CYB561A3: variants seen among roughly 807,000 people sequenced by gnomAD.
The protein encoded by CYB561A3 is lysosomal membrane ascorbate-dependent ferrireductase CYB561A3.
CYB561A3 carries 16 observed loss-of-function variants against 25.3 expected under a neutral mutation model. That is an observed-to-expected ratio of 0.63 (90% CI 0.43 to 0.96). The LOEUF is 0.96. Among genes scored for constraint, CYB561A3 ranks in the 40% least tolerant of loss-of-function variants. CYB561A3 has a pLI of 0.00. For missense variants in CYB561A3, 219 were observed against 307.5 expected (o/e 0.71, Z 2.15); for synonymous variants, 131 against 129.9 (o/e 1.01, Z -0.06).
At chr11:61,356,411 A>ACCCCCCCC in intron 3 of CYB561A3, 119 bp downstream of exon 3, 2 of 548,008 alleles carry the variant, frequency 3.6e-6, no homozygotes, top group Non-Finnish European at 5.8e-6. Context: ...AGACAGCCCA[A>ACCCCCCCC]CCCACCCTAC....
At chr11:61,351,231 G>A (rs1431183860) in intron 5 of CYB561A3, 84 bp from the exon 6 acceptor site, 17 of 1,444,158 alleles carry the variant, frequency 1.2e-5, no homozygotes, top group Non-Finnish European at 1.6e-5. Context: ...CACTAACAGA[G>A]GGTGAGAAAA....
intron 3 of CYB561A3, chr11:61,354,299 G>T (rs1447155524): frequency 2.4e-6 from 1 of 410,662 alleles, no homozygotes; most frequent in Non-Finnish European, 4.6e-6. Flanking sequence ...TGAGGTTACA[G>T]TGAGCTATGA....
At chr11:61,353,268 A>G in intron 4 of CYB561A3, 129 bp from the exon 5 acceptor site, 1 of 1,193,886 alleles carries the variant, frequency 8.4e-7, no homozygotes, top group Non-Finnish European at 1.1e-6. Context: ...CCCACCTGGC[A>G]TTGCCCACTA....
rs1857288444 is a variant in CYB561A3, at chr11:61,349,344, C to T, written c.*1055G>A. On this transcript the variant is annotated 3_prime_UTR_variant, in exon 7 of 7. Coordinates refer to ENST00000294072, the MANE Select transcript of CYB561A3 (RefSeq NM_153611.6). ...GGCAGTGGCTCCCAGGGCTGCTGCA[C>T]ACTGGACACCACAACTTTGGCATCA... is the stretch of plus-strand genomic sequence containing the variant. 1.8e-6 allele frequency: 1 copy of T among 559,570 alleles called. No homozygotes were observed. Among genetic ancestry groups the T allele is most frequent in the Non-Finnish European group, 3.2e-6 (1 of 308,350 alleles). The allele number at this position is 559,570 out of a possible 1,614,324, so 34.7% of individuals were successfully genotyped here.
At position 61,355,160 on chromosome 11, in the gene CYB561A3, G is replaced by A. The variant is rs1590607608; in HGVS notation, c.185-1168C>T. On this transcript the variant is annotated intron_variant, in intron 3 of 6. Coordinates refer to ENST00000294072, the MANE Select transcript of CYB561A3 (RefSeq NM_153611.6). ...TGGGATTACAGGCGTGAGCCACCAC[G>A]CCTGGCCTGGCCTCTCCTGTCTAAC... Among the ~76,000 whole-genome samples, 5 of 151,810 alleles carry A rather than the reference G, an allele frequency of 3.3e-5. No homozygotes were observed. The South Asian group carries it at 8.4e-4, about 25-fold the overall frequency.
chr11:61,353,079 G>C lies in CYB561A3; in HGVS notation c.454C>G (p.Leu152Val). 1 of 1,614,122 alleles carries C rather than the reference G, an allele frequency of 6.2e-7. No homozygotes were observed. The highest frequency in any genetic ancestry group is 1.1e-5 in the South Asian group (1 of 91,088). Residue 152 changes from leucine (L) to valine (V), a missense_variant, in exon 5 of 7, where the codon CTA (leucine) becomes GTA (valine). Coordinates refer to ENST00000294072, the MANE Select transcript of CYB561A3 (RefSeq NM_153611.6). ...PWASMWLRSLLKPIHVFFGAA... is the reference protein window; with the variant it reads ...PWASMWLRSLVKPIHVFFGAA... ...CCAAAAAAGACGTGGATAGGTTTTA[G>C]GAGGCTGCGCAGCCACATGGACGCC...
In CYB561A3 at chr11:61,349,502, G is replaced by C. The variant is rs1444170324; in HGVS notation, c.*897C>G. 1.7e-5 allele frequency: 12 copies of C among 701,650 alleles called. No homozygotes were observed. In the East Asian group the frequency reaches 3.2e-4, roughly 19 times the overall value. The allele number at this position is 701,650 out of a possible 1,614,324, so 43.5% of individuals were successfully genotyped here. A position where few individuals can be genotyped will look rare whatever the true frequency, so the allele number is the denominator to read the frequency against. On this transcript the variant is annotated 3_prime_UTR_variant, in exon 7 of 7. Coordinates refer to ENST00000294072, the MANE Select transcript of CYB561A3 (RefSeq NM_153611.6). ...GTAGAGGAAGTCCACAGCCACCTCT[G>C]TTACTCATCGCTACTGGGACATCTG...
At chr11:61,354,052 G>A (rs1857543391) in intron 3 of CYB561A3, 60 bp from the exon 4 acceptor site, 1 of 1,576,430 alleles carries the variant, frequency 6.3e-7, no homozygotes, top group Non-Finnish European at 8.7e-7. Context: ...CAGACATCAG[G>A]GAATAACCCT....
intron 5 of CYB561A3, 65 bp downstream of exon 5, chr11:61,352,920 G>A: frequency 6.2e-7 from 1 of 1,613,062 alleles, no homozygotes; most frequent in Non-Finnish European, 8.5e-7. Flanking sequence ...TGATCACAGG[G>A]TGTATCTTTT....
chr11:61,350,633 G>T, intron 6 of CYB561A3: 1 of 629,308 alleles, frequency 1.6e-6, no homozygotes, highest in Non-Finnish European at 2.7e-6. Context: ...TGGTCACCAG[G>T]CACCCATCCC....
Position 61,361,715 on chromosome 11 carries a change from C to T in CYB561A3, c.-112+18G>A, listed in dbSNP as rs1857894471. On this transcript the variant is annotated intron_variant, in intron 1 of 6. Transcript: ENST00000294072. ...CGAACCCAGGTCCCTGAACTCCCAG[C>T]CCCGGGATCCTTCTCACCCCTAACC... 1 of 152,344 alleles carries T rather than the reference C, an allele frequency of 6.6e-6. No individual in the cohort carries two copies. The highest frequency in any genetic ancestry group is 1.5e-5 in the Non-Finnish European group (1 of 68,126). 9.4% of individuals were successfully genotyped at this position (152,344 alleles called of 1,614,324 possible).
Position 61,353,157 on chromosome 11 carries a change from G to A in CYB561A3, c.394-18C>T. 6.3e-7 allele frequency: 1 copy of A among 1,586,240 alleles called. No homozygotes were observed. Among genetic ancestry groups the A allele is most frequent in the Non-Finnish European group, 8.6e-7 (1 of 1,167,894 alleles). ...AGGAACCACTGTGGACAAAAGGGAG[G>A]ACACACCCGACTGTGCTATGTGTGA... On this transcript the variant is annotated intron_variant, in intron 4 of 6. Coordinates refer to ENST00000294072, the MANE Select transcript of CYB561A3 (RefSeq NM_153611.6).
Position 61,350,293 on chromosome 11 carries a change from AG to A in CYB561A3, c.*105del, listed in dbSNP as rs1857335329. The A allele has an allele frequency of 2.1e-6, 3 of 1,438,420 alleles. No individual in the cohort carries two copies. Among genetic ancestry groups the A allele is most frequent in the Non-Finnish European group, 1.9e-6 (2 of 1,056,630 alleles). 89.1% of individuals were successfully genotyped at this position (1,438,420 alleles called of 1,614,324 possible). A position where few individuals can be genotyped will look rare whatever the true frequency, so the allele number is the denominator to read the frequency against. ...CAAGAAGTCTGGGCCCAGCATTGGAAGAAAGTCGCCTGCTGAAACCAGCCGG... is the reference window on the plus strand; with the variant it reads ...CAAGAAGTCTGGGCCCAGCATTGGAAAAAGTCGCCTGCTGAAACCAGCCGG... On this transcript the variant is annotated 3_prime_UTR_variant, in exon 7 of 7. Coordinates refer to ENST00000294072, the MANE Select transcript of CYB561A3 (RefSeq NM_153611.6).
chr11:61,356,816 C>T, intron 2 of CYB561A3, 88 bp from the exon 3 acceptor site: 1 of 1,525,770 alleles, frequency 6.6e-7, no homozygotes, highest in Admixed American at 2.1e-5. Flanking sequence ...TAGCTCTTGG[C>T]CTGTGGGATG....
At chr11:61,354,919 A>AGTG (rs1390712548) in intron 3 of CYB561A3, among the ~76,000 whole-genome samples, 10 of 138,144 alleles carry the variant, frequency 7.2e-5, no homozygotes, top group Admixed American at 3.2e-4. Flanking sequence ...TCCAGGCTGG[A>AGTG]GTGCAGCGGC....
At chr11:61,355,274 C>T (rs879201673) in intron 3 of CYB561A3, among the ~76,000 whole-genome samples, 1 of 152,186 alleles carries the variant, frequency 6.6e-6, no homozygotes, top group African/African-American at 2.4e-5. Context: ...GTGAACTGCA[C>T]ATGGTAAGCT....
At chr11:61,352,783 A>G in intron 5 of CYB561A3, 2 of 1,431,860 alleles carry the variant, frequency 1.4e-6, no homozygotes, top group Non-Finnish European at 9.1e-7. Context: ...CAGGTGCTAA[A>G]TCAAACTGAT....
chr11:61,356,899 G>A, intron 2 of CYB561A3, 171 bp from the exon 3 acceptor site: 1 of 1,444,616 alleles, frequency 6.9e-7, no homozygotes, highest in Non-Finnish European at 9.0e-7. Flanking sequence ...TGCCTGGGTG[G>A]GCCTGATCTT....
chr11:61,352,654 C>A, intron 5 of CYB561A3: 4 of 430,770 alleles, frequency 9.3e-6, no homozygotes, highest in Non-Finnish European at 1.4e-5. Context: ...GAGTGAGACT[C>A]CATCTCAAAA....
Sources: allele counts gnomAD v4.1 joint callset (sites outside exome capture counted in the v4.1 genomes callset), GRCh38; gene constraint gnomAD v4.1.1; transcripts MANE v1.5; gene names NCBI Gene and HGNC (gene_info 2026-07-23, HGNC 2026-07-21).